The following TRIM2 variants were observed in gnomAD, a reference collection of about 807,000 sequenced individuals.
TRIM2 encodes tripartite motif-containing protein 2.
In TRIM2, 20 loss-of-function variants were observed where a neutral mutation model predicts 75.2. That is an observed-to-expected ratio of 0.27 (90% CI 0.19 to 0.39). The LOEUF (loss-of-function observed/expected upper bound fraction) is 0.39, where lower values mean the gene tolerates loss of function less well. Ranked by LOEUF, TRIM2 falls within the 10% of genes least tolerant of loss-of-function variation. The pLI is 1.00. For synonymous variants in TRIM2, 373 were observed against 388.3 expected, an observed-to-expected ratio of 0.96 and a Z score of 0.46; for missense variants, 660 against 990.8, an observed-to-expected ratio of 0.67 and a Z score of 4.48.
chr4:153,173,796 A>G (rs1731124229), intron 1 of TRIM2, among the ~76,000 whole-genome samples: 1 of 151,190 alleles, frequency 6.6e-6, no homozygotes, highest in African/African-American at 2.4e-5. Flanking sequence ...GAAAAACCCC[A>G]TCACTACTAA....
Position 153,337,023 on chromosome 4 carries a change from T to C in TRIM2, c.*2057T>C. ...CAAGTACTCTTTTAGGCACTGGAAATACAGTGATGGACAAAACAGGTAAAA... is the reference window on the plus strand; with the variant it reads ...CAAGTACTCTTTTAGGCACTGGAAACACAGTGATGGACAAAACAGGTAAAA... On this transcript the variant is annotated 3_prime_UTR_variant, in exon 12 of 12. Transcript: ENST00000338700. The C allele has an allele frequency of 1.0e-6, 1 of 982,488 alleles. No individual in the cohort carries two copies. Among genetic ancestry groups the C allele is most frequent in the Non-Finnish European group, 1.2e-6 (1 of 827,298 alleles). The allele number at this position is 982,488 out of a possible 1,614,324, so 60.9% of individuals were successfully genotyped here.
chr4:153,319,286 C>T (rs1041803050), intron 8 of TRIM2, among the ~76,000 whole-genome samples: 4 of 152,204 alleles, frequency 2.6e-5, no homozygotes, highest in Non-Finnish European at 5.9e-5. Context: ...TCCTATCTTC[C>T]AGCCCATCTA....
rs753546079 is a variant in TRIM2 at position 153,270,459 on chromosome 4, T to C, written c.155T>C (p.Ile52Thr). ...GACAAGCAGTTTCTGATTTGCAGTA[T>C]ATGCCTGGAACGGTACAAGAATCCC... is the stretch of plus-strand genomic sequence containing the variant. ...QIDKQFLICS[I>T]CLERYKNPKV... Residue 52 changes from isoleucine to threonine, a missense_variant, in exon 2 of 12, where the codon ATA becomes ACA. Ile to Thr is a moderately conservative substitution (Grantham distance 89). Transcript: ENST00000338700. 6.2e-7 allele frequency: 1 copy of C among 1,614,042 alleles called. No homozygotes were observed. Among genetic ancestry groups the C allele is most frequent in the East Asian group, 2.2e-5 (1 of 44,880 alleles).
chr4:153,228,348 G>C (rs1474343819), intron 1 of TRIM2, among the ~76,000 whole-genome samples: 2 of 152,226 alleles, frequency 1.3e-5, no homozygotes, highest in African/African-American at 4.8e-5. Flanking sequence ...TACCCCATGT[G>C]TGGGTCTGAT....
Position 153,315,872 on chromosome 4 carries a change from T to C in TRIM2, c.1655T>C (p.Ile552Thr). ...NDGQFKSRFG[I>T]RGRSPGQLQR... ...GGCCAGTTCAAAAGTCGTTTTGGCATACGGGGACGCTCTCCGGGGCAGCTG... is the reference window on the plus strand; with the variant it reads ...GGCCAGTTCAAAAGTCGTTTTGGCACACGGGGACGCTCTCCGGGGCAGCTG... The change falls in exon 8 of 12, where the codon ATA becomes ACA. Residue 552 changes from isoleucine (I) to threonine (T), a missense_variant. Ile to Thr is a moderately conservative substitution (Grantham distance 89, BLOSUM62 -1). This residue lies in a region of TRIM2 where 620 missense variants were observed against 891.0 expected (regional missense o/e 0.70). Coordinates refer to ENST00000338700, the MANE Select transcript of TRIM2 (RefSeq NM_015271.5). 1 of 1,614,208 alleles carries C rather than the reference T, an allele frequency of 6.2e-7. No homozygotes were observed. The highest frequency in any genetic ancestry group is 8.5e-7 in the Non-Finnish European group (1 of 1,180,032).
intron 1 of TRIM2, among the ~76,000 whole-genome samples, chr4:153,191,690 A>T (rs1733206452): frequency 6.6e-6 from 1 of 152,234 alleles, no homozygotes; most frequent in Admixed American, 6.5e-5. Context: ...TCATGATGAT[A>T]TAGTTCTGAA....
chr4:153,178,692 A>T (rs1731731702), intron 1 of TRIM2, among the ~76,000 whole-genome samples: 1 of 152,210 alleles, frequency 6.6e-6, no homozygotes, highest in Admixed American at 6.5e-5. Flanking sequence ...TCTCTTAGAG[A>T]TTCACAATGC....
chr4:153,304,302 T>C (rs1764538292), intron 6 of TRIM2, among the ~76,000 whole-genome samples: 1 of 151,948 alleles, frequency 6.6e-6, no homozygotes, highest in Non-Finnish European at 1.5e-5. Flanking sequence ...TCAGTAGAGA[T>C]GGGCTTTTAC....
chr4:153,307,438 G>GA (rs113225163), intron 6 of TRIM2, among the ~76,000 whole-genome samples: 4 of 151,896 alleles, frequency 2.6e-5, no homozygotes, highest in African/African-American at 7.3e-5. Context: ...GACTTTACAG[G>GA]AAAAAAATAT....
Position 153,175,494 on chromosome 4 carries a change from G to T in TRIM2, c.-49+22224G>T, listed in dbSNP as rs111599668. 7.1e-3 allele frequency among the ~76,000 whole-genome samples: 1,082 copies of T among 152,096 alleles called. 16 individuals are homozygous for T. Among genetic ancestry groups the T allele is most frequent in the African/African-American group, 0.025 (1,016 of 41,450 alleles). On this transcript the variant is annotated intron_variant, in intron 1 of 11. Coordinates refer to the TRIM2 transcript ENST00000437508. ...CTGGATTGGGAAACAGCGGGGGGAG[G>T]GGGTGCATGGCAGATCTAGGAAAAC...
intron 1 of TRIM2, among the ~76,000 whole-genome samples, chr4:153,170,616 A>C (rs1243153466): frequency 1.3e-5 from 2 of 152,184 alleles, no homozygotes; most frequent in Non-Finnish European, 2.9e-5. Context: ...CACAAGCTAA[A>C]TTGTAGGCAA....
At chr4:153,207,748 G>A (rs373060633) in intron 1 of TRIM2, among the ~76,000 whole-genome samples, 50 of 152,338 alleles carry the variant, frequency 3.3e-4, no homozygotes, top group Non-Finnish European at 4.4e-4. Flanking sequence ...GTCTCCATCC[G>A]GGACTGGCCA....
intron 1 of TRIM2, among the ~76,000 whole-genome samples, chr4:153,188,297 A>T (rs1044202958): frequency 2.3e-4 from 35 of 152,124 alleles, no homozygotes; most frequent in African/African-American, 8.2e-4. Context: ...CCTTCTCTAC[A>T]AAAAATACAG....
intron 1 of TRIM2, among the ~76,000 whole-genome samples, chr4:153,259,546 A>C (rs1039949868): frequency 6.6e-6 from 1 of 152,248 alleles, no homozygotes; most frequent in African/African-American, 2.4e-5. Context: ...AATTTTAAAA[A>C]ATGTGCTGCC....
chr4:153,154,943 C>T (rs183227402), intron 1 of TRIM2, among the ~76,000 whole-genome samples: 18 of 152,270 alleles, frequency 1.2e-4, no homozygotes, highest in Admixed American at 5.9e-4. Context: ...AGTTCAAGAC[C>T]AGCCTGGCCA....
intron 1 of TRIM2, among the ~76,000 whole-genome samples, chr4:153,187,091 C>A (rs888913391): frequency 6.6e-6 from 1 of 152,116 alleles, no homozygotes; most frequent in African/African-American, 2.4e-5. Context: ...ATCACCAGGT[C>A]GTACGTATGA....
intron 3 of TRIM2, among the ~76,000 whole-genome samples, chr4:153,276,593 T>C (rs952472643): frequency 1.9e-4 from 29 of 152,248 alleles, no homozygotes; most frequent in African/African-American, 7.0e-4. Flanking sequence ...GATAGTAGAT[T>C]ATAGATTATG....
chr4:153,293,209 C>A (rs1306894434), intron 4 of TRIM2, 76 bp downstream of exon 4: 2 of 1,417,566 alleles, frequency 1.4e-6, no homozygotes, highest in Admixed American at 4.3e-5. Context: ...TGTCTAGGTA[C>A]AAGAGTAGGT....
chr4:153,244,355 C>CTTCTTCT lies in TRIM2; in HGVS notation c.31-25979_31-25978insTCTTCTT, dbSNP rs1748079616. Among the ~76,000 whole-genome samples the CTTCTTCT allele has an allele frequency of 4.6e-3, 58 of 12,698 alleles. 14 individuals carry two copies. The highest frequency in any genetic ancestry group is 5.1e-3 in the Non-Finnish European group (39 of 7,626). 8.3% of individuals were successfully genotyped at this position (12,698 alleles called of 152,430 possible). On this transcript the variant is annotated intron_variant, in intron 1 of 11. Coordinates refer to ENST00000338700, the MANE Select transcript of TRIM2 (RefSeq NM_015271.5). ...CTTCTTCTTCTTCTTCTTCTTCTTC[C>CTTCTTCT]TCTTCTTCTTCTTCTTCTTCTTCTT...
Sources: gnomAD v4.1 joint callset for allele counts (sites outside exome capture counted in the v4.1 genomes callset) on GRCh38, gnomAD v4.1.1 for gene constraint, gnomAD v4.1.1 regional missense constraint, MANE v1.5 for transcripts, NCBI Gene and HGNC (gene_info 2026-07-23, HGNC 2026-07-21) for gene names.